The following VGLL4 variants were observed in gnomAD, a reference collection of about 807,000 sequenced individuals.
The protein encoded by VGLL4 is transcription cofactor vestigial-like protein 4.
VGLL4 carries 7 observed loss-of-function variants against 21.0 expected under a neutral mutation model. The ratio of observed to expected loss-of-function variants is 0.33; its 90% CI spans 0.19 to 0.63. The LOEUF (loss-of-function observed/expected upper bound fraction) is 0.63. Ranked by LOEUF, VGLL4 falls within the 20% of genes least tolerant of loss-of-function variation. The pLI is 0.78. For synonymous variants in VGLL4, 222 were observed against 173.2 expected (o/e 1.28, Z -2.21); for missense variants, 394 against 425.7 (o/e 0.93, Z 0.66).
At chr3:11,569,094 A>C (rs1353961053) in intron 2 of VGLL4, among the ~76,000 whole-genome samples, 2 of 152,226 alleles carry the variant, frequency 1.3e-5, no homozygotes, top group East Asian at 1.9e-4. Context: ...ACCAGATTCC[A>C]AGCAGTGACA....
Position 11,624,881 on chromosome 3 carries a change from G to C in VGLL4, c.82+18556C>G, listed in dbSNP as rs554209090. Among the ~76,000 whole-genome samples the C allele has an allele frequency of 5.9e-5, 9 of 152,192 alleles. No homozygotes were observed. The East Asian group carries it at 1.7e-3, about 29-fold the overall frequency. The stretch of plus-strand genomic sequence containing the variant: ...AGCATTCTCTCAGCTAGCTTCTCAC[G>C]ATTACATTTAAAACCACCACAAAGC... On this transcript the variant is annotated intron_variant, in intron 1 of 4. Transcript: ENST00000430365.
At chr3:11,609,007 G>A (rs554540435) in intron 1 of VGLL4, among the ~76,000 whole-genome samples, 8 of 152,192 alleles carry the variant, frequency 5.3e-5, no homozygotes, top group African/African-American at 1.2e-4. Context: ...GGGACTACAA[G>A]TGCTCGCCAC....
At chr3:11,590,027 A>G (rs1472366539) in intron 2 of VGLL4, among the ~76,000 whole-genome samples, 1 of 152,224 alleles carries the variant, frequency 6.6e-6, no homozygotes, top group Non-Finnish European at 1.5e-5. Context: ...GTTTCTGCGC[A>G]TAAGACTTCT....
intron 2 of VGLL4, among the ~76,000 whole-genome samples, chr3:11,581,259 G>A (rs568533552): frequency 2.9e-4 from 44 of 152,128 alleles, no homozygotes; most frequent in African/African-American, 1.1e-3. Context: ...TAGAGACGGG[G>A]TTTCACCATG....
chr3:11,585,590 G>C (rs1165862052), intron 2 of VGLL4, among the ~76,000 whole-genome samples: 3 of 152,148 alleles, frequency 2.0e-5, no homozygotes, highest in Admixed American at 6.5e-5. Flanking sequence ...ACAGGGGAAT[G>C]TTCCACCTCT....
chr3:11,578,247 T>C (rs2074111907), intron 2 of VGLL4, among the ~76,000 whole-genome samples: 1 of 152,188 alleles, frequency 6.6e-6, no homozygotes, highest in African/African-American at 2.4e-5. Context: ...AATCCTTTTC[T>C]TCCCATTATT....
At chr3:11,573,654 C>T (rs536537942) in intron 2 of VGLL4, among the ~76,000 whole-genome samples, 1 of 152,328 alleles carries the variant, frequency 6.6e-6, no homozygotes, top group South Asian at 2.1e-4. Context: ...CATGAAATCA[C>T]TCCTTCTTGT....
rs2074283573 is a variant in VGLL4, at chr3:11,583,275, T to C, written c.273-18256A>G. Among the ~76,000 whole-genome samples, 4 of 152,300 alleles carry C rather than the reference T, an allele frequency of 2.6e-5. No individual in the cohort carries two copies. In the South Asian group the frequency reaches 8.3e-4, roughly 32 times the overall value. ...TTTTATAAACCAGAGGTTCTAATTA[T>C]AAAAGACAAGATAAAAGCAGATTAT... On this transcript the variant is annotated intron_variant, in intron 2 of 4. Transcript: ENST00000430365.
intron 2 of VGLL4, among the ~76,000 whole-genome samples, chr3:11,596,966 T>C (rs759296602): frequency 1.1e-4 from 17 of 152,264 alleles, no homozygotes; most frequent in East Asian, 1.9e-4. Flanking sequence ...GCTAATTCCA[T>C]GGCTGGAGCA....
At chr3:11,575,188 G>A (rs13078169) in intron 2 of VGLL4, among the ~76,000 whole-genome samples, 2,045 of 152,226 alleles carry the variant, frequency 0.013, 24 homozygotes, top group Non-Finnish European at 0.022. Context: ...GCCAATGCCC[G>A]GAGGGTTTCA....
rs749267740 is a variant in VGLL4, at chr3:11,564,792, C to T, written c.495+5G>A. ...CCCACGCCACCCTCCCAGACAGAGG[C>T]CCACCTGCTGCCGCTCCCCCGGGGT... On this transcript the variant is annotated splice_donor_5th_base_variant and intron_variant, in intron 3 of 4. Transcript: ENST00000430365. The T allele has an allele frequency of 6.5e-7, 1 of 1,545,828 alleles. No homozygotes were observed.
chr3:11,598,031 C>CTT (rs35133405), intron 2 of VGLL4, among the ~76,000 whole-genome samples: 2 of 151,062 alleles, frequency 1.3e-5, no homozygotes. Flanking sequence ...TCTCTGTTGC[C>CTT]TTTTTTTTTT....
chr3:11,659,291 T>G (rs2075999942), intron 2 of VGLL4, among the ~76,000 whole-genome samples: 2 of 129,138 alleles, frequency 1.5e-5, no homozygotes, highest in Admixed American at 1.5e-4. Context: ...TCCTATTTTC[T>G]TTTTTTTTTT....
In VGLL4 at chr3:11,568,691, C is replaced by T. The variant is rs542942831; in HGVS notation, c.273-3672G>A. On this transcript the variant is annotated intron_variant, in intron 2 of 4. Coordinates refer to ENST00000430365, the MANE Select transcript of VGLL4 (RefSeq NM_001128219.3). The surrounding 1 kb of genome is among the most constrained non-coding windows in gnomAD (Gnocchi z 5.9). ...CTCGCCCGGATGAATCACCTCCCGG[C>T]CACTGCTTCCCAGGCGTCATGTGCT... is the stretch of plus-strand genomic sequence containing the variant. 4.5e-6 allele frequency: 7 copies of T among 1,551,160 alleles called. No individual in the cohort carries two copies. In the Admixed American group the frequency reaches 9.8e-5, roughly 22 times the overall value.
Position 11,558,461 on chromosome 3 carries a change from AC to A in VGLL4, c.*94del. 1.8e-6 allele frequency: 1 copy of A among 568,508 alleles called. No individual in the cohort carries two copies. The highest frequency in any genetic ancestry group is 2.6e-6 in the Non-Finnish European group (1 of 387,546). 35.2% of individuals were successfully genotyped at this position (568,508 alleles called of 1,614,324 possible). A position where few individuals can be genotyped will look rare whatever the true frequency, so the allele number is the denominator to read the frequency against. On this transcript the variant is annotated 3_prime_UTR_variant, in exon 5 of 5. Transcript: ENST00000430365. ...ATAAACCATCCCTTCCCTTCCCCCCACCCCACCCCCATGATTTTTTTTTTTT... is the reference window on the plus strand; with the variant it reads ...ATAAACCATCCCTTCCCTTCCCCCCACCCACCCCCATGATTTTTTTTTTTT...
At chr3:11,701,016 G>A (rs1162569730) in intron 2 of VGLL4, among the ~76,000 whole-genome samples, 1 of 152,128 alleles carries the variant, frequency 6.6e-6, no homozygotes, top group Non-Finnish European at 1.5e-5. Context: ...CGCAATCACT[G>A]GTAGAATGAT....
intron 2 of VGLL4, among the ~76,000 whole-genome samples, chr3:11,677,739 T>C (rs2076311797): frequency 6.6e-6 from 1 of 151,838 alleles, no homozygotes; most frequent in Admixed American, 6.6e-5. Context: ...ACCTAGTCTC[T>C]ACTAAAAAAC....
intron 1 of VGLL4, among the ~76,000 whole-genome samples, chr3:11,638,524 T>G (rs2075630300): frequency 6.7e-6 from 1 of 150,242 alleles, no homozygotes; most frequent in African/African-American, 2.5e-5. Flanking sequence ...AGTTTCTTTC[T>G]CTCTCTCTCT....
In VGLL4 at chr3:11,564,983, G is replaced by C. The variant is rs760399077; in HGVS notation, c.309C>G (p.Pro103=). Residue 103 remains proline, a synonymous_variant, in exon 3 of 5, where the codon CCC becomes CCG. Coordinates refer to ENST00000430365, the MANE Select transcript of VGLL4 (RefSeq NM_001128219.3). ...KTANGDCRRD[P]RERSRSPIER... ...CGATGGGGCTGCGGCTCCGCTCCCG[G>C]GGGTCTCTGCGGCAGTCTCCATTGG... 2 of 1,530,126 alleles carry C rather than the reference G, an allele frequency of 1.3e-6. No individual in the cohort carries two copies. Among genetic ancestry groups the C allele is most frequent in the Non-Finnish European group, 1.8e-6 (2 of 1,139,900 alleles). 94.8% of individuals were successfully genotyped at this position (1,530,126 alleles called of 1,614,324 possible). A position where few individuals can be genotyped will look rare whatever the true frequency, so the allele number is the denominator to read the frequency against.
Sources: allele counts gnomAD v4.1 joint callset (sites outside exome capture counted in the v4.1 genomes callset), GRCh38; gene constraint gnomAD v4.1.1; non-coding constraint Gnocchi (gnomAD v3.1); transcripts MANE v1.5; gene names NCBI Gene and HGNC (gene_info 2026-07-23, HGNC 2026-07-21).